Variants in ITPR1 observed in about 807,000 individuals in gnomAD.
The protein encoded by ITPR1 is inositol 1,4,5-trisphosphate-gated calcium channel ITPR1.
A neutral mutation model predicts 318.4 loss-of-function variants in ITPR1; 96 were observed. The ratio of observed to expected loss-of-function variants is 0.30; its 90% confidence interval spans 0.26 to 0.36. The LOEUF is 0.36. Ranked by LOEUF, ITPR1 falls within the 10% of genes least tolerant of loss-of-function variation. The pLI is 1.00. For missense variants in ITPR1, 2,440 were observed against 3,460.2 expected (o/e 0.71, Z 7.40); for synonymous variants, 1,312 against 1,289.9 (o/e 1.02, Z -0.37).
At chr3:4,632,090 G>A (rs907736834) in intron 5 of ITPR1, among the ~76,000 whole-genome samples, 1 of 152,226 alleles carries the variant, frequency 6.6e-6, no homozygotes, top group Non-Finnish European at 1.5e-5. Context: ...CTGAACATCA[G>A]TAGCACCCTC....
At chr3:4,585,422 G>C (rs1287581551) in intron 4 of ITPR1, among the ~76,000 whole-genome samples, 1 of 151,906 alleles carries the variant, frequency 6.6e-6, no homozygotes, top group Non-Finnish European at 1.5e-5. Context: ...CTACTAACAT[G>C]CACTTTTATT....
At chr3:4,513,932 A>C (rs2082009094) in intron 2 of ITPR1, among the ~76,000 whole-genome samples, 2 of 152,134 alleles carry the variant, frequency 1.3e-5, no homozygotes. Flanking sequence ...CAAAAAATAC[A>C]AACGTTTAGC....
chr3:4,738,663 C>A (rs558412357), intron 44 of ITPR1, among the ~76,000 whole-genome samples: 37 of 152,308 alleles, frequency 2.4e-4, no homozygotes, highest in African/African-American at 8.9e-4. Context: ...CACGGAGCAC[C>A]CTGATGGTGA....
intron 5 of ITPR1, among the ~76,000 whole-genome samples, chr3:4,629,841 A>G (rs2092957748): frequency 6.6e-6 from 1 of 152,218 alleles, no homozygotes. Context: ...GTGCCGAGTA[A>G]GCCTCAGTCG....
chr3:4,526,166 C>G (rs1013766680), intron 4 of ITPR1, among the ~76,000 whole-genome samples: 1 of 152,184 alleles, frequency 6.6e-6, no homozygotes, highest in African/African-American at 2.4e-5. Flanking sequence ...TCAATAATAT[C>G]AAAATGTGCA....
intron 17 of ITPR1, 70 bp from the exon 18 acceptor site, chr3:4,667,303 GCTTT>G (rs774444934): frequency 1.9e-5 from 22 of 1,178,482 alleles, no homozygotes; most frequent in Non-Finnish European, 2.5e-5. Flanking sequence ...AAACATTGCT[GCTTT>G]CTTTAGTCTA....
At position 4,627,689 on chromosome 3, in the gene ITPR1, G is replaced by A; in HGVS notation, c.164-74G>A. 3.5e-6 allele frequency: 3 copies of A among 852,116 alleles called. No individual in the cohort carries two copies. In the South Asian group the frequency reaches 4.3e-5, roughly 12 times the overall value. The allele number at this position is 852,116 out of a possible 1,614,324, so 52.8% of individuals were successfully genotyped here. On this transcript the variant is annotated intron_variant, in intron 4 of 61. Transcript: ENST00000649015. ...TTTTATGTAATTTTTTAAGTGGAAA[G>A]CCTTTTTTTTTTCCTTAGGCTGAGT...
At chr3:4,736,108 T>C (rs922921445) in intron 44 of ITPR1, among the ~76,000 whole-genome samples, 1 of 151,574 alleles carries the variant, frequency 6.6e-6, no homozygotes, top group African/African-American at 2.4e-5. Context: ...ACCTCCTTTA[T>C]GCACTCTTCC....
chr3:4,599,449 A>T (rs560419786), intron 4 of ITPR1, among the ~76,000 whole-genome samples: 5 of 152,352 alleles, frequency 3.3e-5, no homozygotes, highest in Non-Finnish European at 7.3e-5. Context: ...ATCTAGCCAC[A>T]GTGGATTAGC....
At chr3:4,641,994 G>A (rs182291563) in intron 6 of ITPR1, 99 bp from the exon 7 acceptor site, 8 of 923,204 alleles carry the variant, frequency 8.7e-6, no homozygotes, top group African/African-American at 5.1e-5. Context: ...GCTCAATGGT[G>A]GGAGGAATGT....
chr3:4,741,544 A>G (rs1289853146), intron 44 of ITPR1, among the ~76,000 whole-genome samples: 8 of 30,352 alleles, frequency 2.6e-4, no homozygotes, highest in African/African-American at 9.3e-4. Flanking sequence ...CCTACACCAC[A>G]CTCTTTTTTT....
Position 4,827,279 on chromosome 3 carries a change from C to CTTCAT in ITPR1, c.8028+9041_8028+9045dup, listed in dbSNP as rs559786270. Among the ~76,000 whole-genome samples the CTTCAT allele has an allele frequency of 7.1e-4, 108 of 152,334 alleles. 1 individual carries two copies. The highest frequency in any genetic ancestry group is 2.5e-3 in the African/African-American group (106 of 41,580). On this transcript the variant is annotated intron_variant, in intron 60 of 61. Transcript: ENST00000649015. ...ATTTGTAACTCCCCTGCTTCAACTC[C>CTTCAT]TTCATTTCCTGTGTATTCTAAATAT... is the stretch of plus-strand genomic sequence containing the variant.
At chr3:4,527,044 C>T (rs1575417973) in intron 4 of ITPR1, among the ~76,000 whole-genome samples, 1 of 152,190 alleles carries the variant, frequency 6.6e-6, no homozygotes. Context: ...CTGTGCAGCA[C>T]CCTGAGACCA....
intron 42 of ITPR1, among the ~76,000 whole-genome samples, chr3:4,729,970 G>C (rs1206866877): frequency 6.7e-6 from 1 of 149,828 alleles, no homozygotes; most frequent in Non-Finnish European, 1.5e-5. Context: ...TTCTCAGCCT[G>C]GTACATTATG....
intron 2 of ITPR1, among the ~76,000 whole-genome samples, chr3:4,508,477 A>T (rs1234616494): frequency 1.8e-3 from 150 of 83,220 alleles, no homozygotes; most frequent in African/African-American, 5.0e-3. Context: ...TTTTTTTTTT[A>T]AATGAATGTA....
chr3:4,590,916 G>GT (rs2090346815), intron 4 of ITPR1, among the ~76,000 whole-genome samples: 2 of 152,136 alleles, frequency 1.3e-5, no homozygotes, highest in Non-Finnish European at 2.9e-5. Context: ...GGTGTCTGTT[G>GT]TTTCCTTGTG....
chr3:4,717,783 A>G (rs970268578), intron 40 of ITPR1, among the ~76,000 whole-genome samples: 4 of 152,242 alleles, frequency 2.6e-5, no homozygotes, highest in African/African-American at 7.2e-5. Context: ...AAACGATACA[A>G]CAGCATTGGT....
In ITPR1 at chr3:4,715,130, G is replaced by C. The variant is rs9830067; in HGVS notation, c.5104-2237G>C. 3.4e-3 allele frequency among the ~76,000 whole-genome samples: 514 copies of C among 152,098 alleles called. 2 individuals are homozygous for C. The highest frequency in any genetic ancestry group is 4.1e-3 in the Non-Finnish European group (277 of 67,954). Reference sequence around the variant, plus strand: ...GCTCTGAGAGCTACAGAATTTGCCCGGGGTTACATAGTTAATTACAAGGCA... The same window carrying C: ...GCTCTGAGAGCTACAGAATTTGCCCCGGGTTACATAGTTAATTACAAGGCA... On this transcript the variant is annotated intron_variant, in intron 39 of 61. Transcript: ENST00000649015.
intron 52 of ITPR1, among the ~76,000 whole-genome samples, chr3:4,793,090 T>A (rs997369748): frequency 6.6e-6 from 1 of 152,254 alleles, no homozygotes; most frequent in African/African-American, 2.4e-5. Flanking sequence ...GATTGGTCTC[T>A]AAGTATCTTC....
Sources: gnomAD v4.1 joint callset for allele counts (sites outside exome capture counted in the v4.1 genomes callset) on GRCh38, gnomAD v4.1.1 for gene constraint, MANE v1.5 for transcripts, NCBI Gene and HGNC (gene_info 2026-07-23, HGNC 2026-07-21) for gene names.